Variants in SBF1 observed in about 807,000 individuals in gnomAD.
SBF1 encodes myotubularin-related protein 5.
A neutral mutation model predicts 215.8 loss-of-function variants in SBF1; 65 were observed. The observed-to-expected ratio is 0.30, with a 90% CI of 0.25 to 0.37. The LOEUF (loss-of-function observed/expected upper bound fraction) is 0.37. Among genes scored for constraint, SBF1 ranks in the 10% least tolerant of loss-of-function variants. SBF1 has a pLI of 1.00. For missense variants in SBF1, 2,634 were observed against 2,667.8 expected (o/e 0.99, Z 0.28); for synonymous variants, 1,410 against 1,122.8 (o/e 1.26, Z -5.11).
At chr22:50,463,167 A>T in intron 16 of SBF1, 116 bp downstream of exon 16, 2 of 1,392,300 alleles carry the variant, frequency 1.4e-6, no homozygotes, top group Non-Finnish European at 2.0e-6. Context: ...ACCCCTGCCC[A>T]CTGGCACAGG....
chr22:50,466,566 C>G, intron 6 of SBF1, 39 bp downstream of exon 6: 2 of 1,532,440 alleles, frequency 1.3e-6, no homozygotes, highest in East Asian at 2.5e-5. Flanking sequence ...TACCAGTCCC[C>G]GAGGGGAAGC....
In SBF1 at chr22:50,462,443, C is replaced by T. The variant is rs1037936332; in HGVS notation, c.2158G>A (p.Glu720Lys). The change falls in exon 19 of 41, where the codon GAG becomes AAG. Residue 720 changes from glutamate to lysine, a missense_variant. Transcript: ENST00000380817. The part of the protein sequence containing the change: ...EVGEAPSQED[E>K]RSALDVASEQ... ...GAAGCCACGTCTAGGGCAGAGCGCTCGTCCTCCTGGGAAGGTGCCTCCCCA... is the reference window on the plus strand; with the variant it reads ...GAAGCCACGTCTAGGGCAGAGCGCTTGTCCTCCTGGGAAGGTGCCTCCCCA... The T allele has an allele frequency of 5.6e-6, 9 of 1,613,782 alleles. No homozygotes were observed. The highest frequency in any genetic ancestry group is 6.8e-6 in the Non-Finnish European group (8 of 1,179,992).
chr22:50,459,186 C>G, intron 28 of SBF1, 69 bp downstream of exon 28: 1 of 1,536,896 alleles, frequency 6.5e-7, no homozygotes, highest in East Asian at 2.3e-5. Context: ...GCCTGCCTGC[C>G]AAACCATAAA....
chr22:50,465,622 G>T, intron 10 of SBF1, 141 bp downstream of exon 10: 1 of 805,582 alleles, frequency 1.2e-6, no homozygotes, highest in African/African-American at 1.7e-5. Flanking sequence ...GCTGGCAGCT[G>T]CTTTGCTCCC....
At chr22:50,465,583 T>G (rs936955709) in intron 10 of SBF1, among the ~76,000 whole-genome samples, 180 bp downstream of exon 10, 1 of 152,238 alleles carries the variant, frequency 6.6e-6, no homozygotes. Context: ...CCGCCTCGCC[T>G]GCACCACTCA....
chr22:50,465,062 G>A lies in SBF1; in HGVS notation c.1271C>T (p.Ala424Val). 6.2e-7 allele frequency: 1 copy of A among 1,614,112 alleles called. No homozygotes were observed. The highest frequency in any genetic ancestry group is 8.5e-7 in the Non-Finnish European group (1 of 1,180,012). The change falls in exon 12 of 41, where the codon GCC becomes GTC. Residue 424 changes from alanine (A) to valine (V), a missense_variant. Coordinates refer to ENST00000380817, the MANE Select transcript of SBF1 (RefSeq NM_002972.4). ...DFLMKVLEGM[A>V]FAGFVSERGV... is the part of the protein sequence containing the mutation. ...ACGCTCTGACACAAAGCCAGCAAAG[G>A]CCATGCCCTCCAGCACCTTCATCAG...
Position 50,463,105 on chromosome 22 carries a change from A to G in SBF1, c.1900-167T>C, listed in dbSNP as rs5771039. ...TCAATATCAGGAGACCCCAGGCCCCAGCACCTGCCCCCAACAATGGTTCTC... is the reference window on the plus strand; with the variant it reads ...TCAATATCAGGAGACCCCAGGCCCCGGCACCTGCCCCCAACAATGGTTCTC... On this transcript the variant is annotated intron_variant, in intron 16 of 40. Coordinates refer to ENST00000380817, the MANE Select transcript of SBF1 (RefSeq NM_002972.4). 0.79 allele frequency among the ~76,000 whole-genome samples: 120,459 copies of G among 151,978 alleles called. 48,119 individuals carry two copies. The highest frequency in any genetic ancestry group is 0.96 in the East Asian group (4,964 of 5,158).
Position 50,475,008 on chromosome 22 carries a change from G to A in SBF1, c.-168C>T, listed in dbSNP as rs1275658970. 4.5e-6 allele frequency: 1 copy of A among 224,030 alleles called. No homozygotes were observed. Among genetic ancestry groups the A allele is most frequent in the Non-Finnish European group, 7.8e-6 (1 of 128,474 alleles). 13.9% of individuals were successfully genotyped at this position (224,030 alleles called of 1,614,324 possible). A position where few individuals can be genotyped will look rare whatever the true frequency, so the allele number is the denominator to read the frequency against. On this transcript the variant is annotated 5_prime_UTR_variant, in exon 1 of 41. Transcript: ENST00000380817. ...GGCGGCGGCGGCCCAGGTTCCCGCC[G>A]CCATCTTCCCAGCCAGCCGGCCCGC...
At chr22:50,453,503 C>A (rs375545892) in intron 36 of SBF1, among the ~76,000 whole-genome samples, 1 of 152,180 alleles carries the variant, frequency 6.6e-6, no homozygotes, top group Non-Finnish European at 1.5e-5. Context: ...GCTTAGATAA[C>A]TAGGCCAGGC....
intron 34 of SBF1, 28 bp from the exon 35 acceptor site, chr22:50,454,972 C>T (rs757790365): frequency 2.5e-6 from 4 of 1,613,832 alleles, no homozygotes; most frequent in African/African-American, 1.3e-5. Flanking sequence ...TGAGCCTGGG[C>T]CCCTCCTGAC....
intron 1 of SBF1, among the ~76,000 whole-genome samples, chr22:50,473,078 C>T (rs140417122): frequency 6.6e-6 from 1 of 152,328 alleles, no homozygotes; most frequent in Non-Finnish European, 1.5e-5. Flanking sequence ...ACACACGTCA[C>T]AGCCAGCTTG....
chr22:50,465,345 G>C lies in SBF1; in HGVS notation c.1090-17C>G. 1.3e-6 allele frequency: 2 copies of C among 1,558,152 alleles called. No individual in the cohort carries two copies. Among genetic ancestry groups the C allele is most frequent in the South Asian group, 1.2e-5 (1 of 85,148 alleles). On this transcript the variant is annotated splice_polypyrimidine_tract_variant and intron_variant, in intron 10 of 40. Coordinates refer to ENST00000380817, the MANE Select transcript of SBF1 (RefSeq NM_002972.4). ...CTCCTTGTCCTGGGAGAAGAGCTGA[G>C]TGCAGGTGAGAGCCAGTCCTGCCAA...
rs2148622890 is a variant in SBF1, at chr22:50,474,979, CGGCGGCG to C, written c.-146_-140del. 2.8e-6 allele frequency: 1 copy of C among 352,434 alleles called. No homozygotes were observed. The highest frequency in any genetic ancestry group is 2.2e-5 in the African/African-American group (1 of 45,230). 21.8% of individuals were successfully genotyped at this position (352,434 alleles called of 1,614,324 possible). A position where few individuals can be genotyped will look rare whatever the true frequency, so the allele number is the denominator to read the frequency against. On this transcript the variant is annotated 5_prime_UTR_variant, in exon 1 of 41. The change abolishes the stop of an existing upstream ORF in the 5' untranslated region. Transcript: ENST00000380817. ...CTGGTTCGCTCCGCGGCGGCGGCGG[CGGCGGCG>C]GCGGCGGCCCAGGTTCCCGCCGCCA...
chr22:50,448,700 A>G, intron 36 of SBF1, 50 bp from the exon 37 acceptor site: 1 of 1,446,330 alleles, frequency 6.9e-7, no homozygotes, highest in East Asian at 2.3e-5. Context: ...TATCCAGACT[A>G]GAGCACGAAA....
chr22:50,456,428 C>T (rs1569510682), intron 30 of SBF1, 33 bp from the exon 31 acceptor site: 3 of 1,604,246 alleles, frequency 1.9e-6, no homozygotes, highest in East Asian at 2.2e-5. Context: ...CCGTGAGACA[C>T]ATGAGGCCCC....
Position 50,455,248 on chromosome 22 carries a change from C to A in SBF1, c.4530G>T (p.Leu1510=), listed in dbSNP as rs780996163. ...GQSSGFTPVF[L]QFLDCVHQVH... ...CCTGGTGTACGCAGTCCAGGAACTG[C>A]AGGAAGACGGGTGTGAAGCCGCTGC... Residue 1510 remains leucine (L), a synonymous_variant, in exon 33 of 41, where the codon CTG becomes CTT. Transcript: ENST00000380817. The A allele has an allele frequency of 1.9e-6, 3 of 1,613,080 alleles. No individual in the cohort carries two copies. In the South Asian group the frequency reaches 3.3e-5, roughly 18 times the overall value.
At position 50,462,698 on chromosome 22, in the gene SBF1, G is replaced by A. The variant is rs1426938973; in HGVS notation, c.1988C>T (p.Thr663Met). The change falls in exon 18 of 41, where the codon ACG becomes ATG. Residue 663 changes from threonine to methionine, a missense_variant. Thr to Met is a moderately conservative substitution (Grantham distance 81). Coordinates refer to ENST00000380817, the MANE Select transcript of SBF1 (RefSeq NM_002972.4). ...AFCRKLSPGV[T>M]QFAYSCVQEH... The stretch of plus-strand genomic sequence containing the variant: ...CTGCACACAGCTGTATGCAAACTGC[G>A]TCACCCCCGGGCTCAGCTTCTGCAG... 1.9e-6 allele frequency: 3 copies of A among 1,611,812 alleles called. No individual in the cohort carries two copies. The highest frequency in any genetic ancestry group is 2.2e-5 in the East Asian group (1 of 44,842).
rs755877228 is a variant in SBF1 at position 50,459,624 on chromosome 22, G to A, written c.3534C>T (p.Asn1178=). ...LLIVPQSVQD[N]ALQRVSRCYR... ...AGCAGCGGGACACGCGCTGCAGGGCGTTGTCCTGGACACTCTGGGGCACGA... is the reference window on the plus strand; with the variant it reads ...AGCAGCGGGACACGCGCTGCAGGGCATTGTCCTGGACACTCTGGGGCACGA... The change falls in exon 27 of 41, where the codon AAC becomes AAT. Residue 1178 remains asparagine (N), a synonymous_variant. Coordinates refer to ENST00000380817, the MANE Select transcript of SBF1 (RefSeq NM_002972.4). The A allele has an allele frequency of 9.3e-6, 15 of 1,609,488 alleles. No individual in the cohort carries two copies. Among genetic ancestry groups the A allele is most frequent in the Middle Eastern group, 3.6e-4 (2 of 5,506 alleles).
Position 50,464,715 on chromosome 22 carries a change from C to T in SBF1, c.1455G>A (p.Ala485=), listed in dbSNP as rs774845562. The T allele has an allele frequency of 6.2e-6, 10 of 1,607,016 alleles. No homozygotes were observed. Among genetic ancestry groups the T allele is most frequent in the African/African-American group, 2.7e-5 (2 of 74,922 alleles). The part of the protein sequence containing the change: ...YKNENPYPAV[A]MHKVQRPGES... ...CACCGGGCCTCTGTACCTTGTGCAT[C>T]GCCACGGCTGGGTACGGGTTCTCCT... The change falls in exon 14 of 41, where the codon GCG becomes GCA. Residue 485 remains alanine, a synonymous_variant. Transcript: ENST00000380817.
Sources: gnomAD v4.1 joint callset for allele counts (sites outside exome capture counted in the v4.1 genomes callset) on GRCh38, gnomAD v4.1.1 for gene constraint, MANE v1.5 for transcripts, NCBI Gene and HGNC (gene_info 2026-07-23, HGNC 2026-07-21) for gene names.